The following DNAJA1 variants were observed in gnomAD, a reference collection of about 807,000 sequenced individuals.
The protein encoded by DNAJA1 is dnaJ homolog subfamily A member 1.
In DNAJA1, 26 loss-of-function variants were observed where a neutral mutation model predicts 47.6. The ratio of observed to expected loss-of-function variants is 0.55; its 90% CI spans 0.40 to 0.76. The LOEUF is 0.76. Among genes scored for constraint, DNAJA1 ranks in the 30% least tolerant of loss-of-function variants. The pLI, the probability that DNAJA1 is intolerant of heterozygous loss-of-function variation, is 0.00. For missense variants in DNAJA1, 315 were observed against 485.0 expected, an observed-to-expected ratio of 0.65 and a Z score of 3.29; for synonymous variants, 165 against 158.4, an observed-to-expected ratio of 1.04 and a Z score of -0.31.
chr9:33,031,559 G>GT (rs112712110), intron 5 of DNAJA1, among the ~76,000 whole-genome samples: 370 of 152,138 alleles, frequency 2.4e-3, no homozygotes, highest in African/African-American at 8.7e-3. Context: ...AGCTTCCCAG[G>GT]TAGCTGGGAC....
chr9:33,038,799 G>A lies in DNAJA1; in HGVS notation c.1090G>A (p.Val364Met). The A allele has an allele frequency of 1.2e-6, 2 of 1,614,138 alleles. No individual in the cohort carries two copies. Among genetic ancestry groups the A allele is most frequent in the Non-Finnish European group, 8.5e-7 (1 of 1,180,032 alleles). ...ETDEMDQVEL[V>M]DFDPNQERRR... ...TGATGAGATGGACCAAGTAGAACTGGTGGACTTTGATCCAAATCAGGAAAG... is the reference window on the plus strand; with the variant it reads ...TGATGAGATGGACCAAGTAGAACTGATGGACTTTGATCCAAATCAGGAAAG... The change falls in exon 9 of 9, where the codon GTG becomes ATG. Residue 364 changes from valine (V) to methionine (M), a missense_variant. Coordinates refer to ENST00000330899, the MANE Select transcript of DNAJA1 (RefSeq NM_001539.4).
intron 6 of DNAJA1, among the ~76,000 whole-genome samples, chr9:33,034,993 G>T (rs928926688): frequency 2.1e-5 from 3 of 141,096 alleles, no homozygotes; most frequent in Non-Finnish European, 4.7e-5. Flanking sequence ...TCAAGGTTAT[G>T]ATCATGCCAC....
At chr9:33,037,162 T>C (rs1371181691) in intron 8 of DNAJA1, 47 bp downstream of exon 8, 4 of 1,549,072 alleles carry the variant, frequency 2.6e-6, no homozygotes, top group Non-Finnish European at 3.5e-6. Context: ...ATTGGCTTAC[T>C]AAAATCTGAT....
chr9:33,030,270 T>TAAGAATGAAACTCATTGGAATGATC (rs1838940172), intron 4 of DNAJA1, among the ~76,000 whole-genome samples, 170 bp from the exon 5 acceptor site: 1 of 152,166 alleles, frequency 6.6e-6, no homozygotes, highest in African/African-American at 2.4e-5. Context: ...TGTGTTCTAA[T>TAAGAATGAAACTCATTGGAATGATC]AAGAATGAAA....
intron 4 of DNAJA1, among the ~76,000 whole-genome samples, 171 bp from the exon 5 acceptor site, chr9:33,030,269 A>G (rs1036705300): frequency 1.3e-5 from 2 of 152,178 alleles, no homozygotes; most frequent in Non-Finnish European, 2.9e-5. Flanking sequence ...GTGTGTTCTA[A>G]TAAGAATGAA....
chr9:33,038,630 A>T lies in DNAJA1; in HGVS notation c.976-55A>T. The T allele has an allele frequency of 5.9e-6, 9 of 1,521,592 alleles. No individual in the cohort carries two copies. In the South Asian group the frequency reaches 8.3e-5, roughly 14 times the overall value. 94.3% of individuals were successfully genotyped at this position (1,521,592 alleles called of 1,614,324 possible). A position where few individuals can be genotyped will look rare whatever the true frequency, so the allele number is the denominator to read the frequency against. The stretch of plus-strand genomic sequence containing the variant: ...TTTCTGGGGAAAATGGGTCCATGAT[A>T]CTCTAAGGGAGCTAATGATGAAATC... On this transcript the variant is annotated intron_variant, in intron 8 of 8. Transcript: ENST00000330899.
In DNAJA1 at chr9:33,039,006, T is replaced by C. The variant is rs759112229; in HGVS notation, c.*103T>C. 1.1e-5 allele frequency: 12 copies of C among 1,118,392 alleles called. No homozygotes were observed. Among genetic ancestry groups the C allele is most frequent in the African/African-American group, 1.6e-5 (1 of 63,820 alleles). 69.3% of individuals were successfully genotyped at this position (1,118,392 alleles called of 1,614,324 possible). On this transcript the variant is annotated 3_prime_UTR_variant, in exon 9 of 9. Coordinates refer to ENST00000330899, the MANE Select transcript of DNAJA1 (RefSeq NM_001539.4). The stretch of plus-strand genomic sequence containing the variant: ...TCACTACTTGCTCTTGTTTTTGTTT[T>C]AATAAACTATAGTAGTGTTTTAAAA...
intron 3 of DNAJA1, among the ~76,000 whole-genome samples, chr9:33,028,364 A>G (rs1838908091): frequency 6.6e-6 from 1 of 152,244 alleles, no homozygotes. Flanking sequence ...AAAATGTTCA[A>G]GAGAAATCAG....
Position 33,029,785 on chromosome 9 carries a change from T to G in DNAJA1, c.311-100T>G, listed in dbSNP as rs996578342. 1.1e-5 allele frequency: 10 copies of G among 890,336 alleles called. No homozygotes were observed. In the African/African-American group the frequency reaches 1.7e-4, roughly 15 times the overall value. 55.2% of individuals were successfully genotyped at this position (890,336 alleles called of 1,614,324 possible). On this transcript the variant is annotated intron_variant, in intron 3 of 8. Transcript: ENST00000330899. Reference sequence around the variant, plus strand: ...AGTCAACAGATGTACCCTGTGAGGCTCATCTTTTATTATTCTTTGCCACAT... The same window carrying G: ...AGTCAACAGATGTACCCTGTGAGGCGCATCTTTTATTATTCTTTGCCACAT...
Position 33,026,511 on chromosome 9 carries a change from T to C in DNAJA1, c.27T>C (p.Asp9=), listed in dbSNP as rs1297991677. 5 of 1,607,468 alleles carry C rather than the reference T, an allele frequency of 3.1e-6. No homozygotes were observed. Among genetic ancestry groups the C allele is most frequent in the Non-Finnish European group, 4.2e-6 (5 of 1,178,544 alleles). ...TGGTGAAAGAAACAACTTACTACGA[T>C]GTTTTGGGGGTCAAACCCAATGCTA... is the stretch of plus-strand genomic sequence containing the variant. The part of the protein sequence containing the change: MVKETTYY[D]VLGVKPNATQ... The change falls in exon 2 of 9, where the codon GAT becomes GAC. Residue 9 remains aspartate, a synonymous_variant. Coordinates refer to ENST00000330899, the MANE Select transcript of DNAJA1 (RefSeq NM_001539.4).
rs1422995865 is a variant in DNAJA1 at position 33,039,767 on chromosome 9, A to G, written c.*864A>G. ...ACTTTCGCTCCAAAGTTATGTTGGT[A>G]GTATAGCAAATTATGATGAATAGCT... is the stretch of plus-strand genomic sequence containing the variant. On this transcript the variant is annotated 3_prime_UTR_variant, in exon 9 of 9. Coordinates refer to ENST00000330899, the MANE Select transcript of DNAJA1 (RefSeq NM_001539.4). The G allele has an allele frequency of 6.6e-6, 1 of 152,042 alleles. No individual in the cohort carries two copies. The highest frequency in any genetic ancestry group is 2.4e-5 in the African/African-American group (1 of 41,406). The allele number at this position is 152,042 out of a possible 1,614,324, so 9.4% of individuals were successfully genotyped here.
chr9:33,029,604 T>C (rs982658453), intron 3 of DNAJA1, among the ~76,000 whole-genome samples: 1 of 152,248 alleles, frequency 6.6e-6, no homozygotes, highest in African/African-American at 2.4e-5. Context: ...CAAGTGACTT[T>C]GAAGGTAATG....
chr9:33,026,802 T>G lies in DNAJA1; in HGVS notation c.133-11T>G. 1.9e-6 allele frequency: 3 copies of G among 1,606,942 alleles called. No homozygotes were observed. The highest frequency in any genetic ancestry group is 1.7e-6 in the Non-Finnish European group (2 of 1,177,382). On this transcript the variant is annotated splice_polypyrimidine_tract_variant and intron_variant, in intron 2 of 8. Coordinates refer to ENST00000330899, the MANE Select transcript of DNAJA1 (RefSeq NM_001539.4). ...TTAAAAAATGAAATTCACTCCTCTT[T>G]TCTCAAACAGTTTAAACAGATTTCT...
intron 5 of DNAJA1, among the ~76,000 whole-genome samples, chr9:33,032,203 T>C (rs1838972310): frequency 6.6e-6 from 1 of 152,274 alleles, no homozygotes. Flanking sequence ...GATTCTATCA[T>C]GTGACTCATG....
At chr9:33,030,298 A>G in intron 4 of DNAJA1, 142 bp from the exon 5 acceptor site, 1 of 754,958 alleles carries the variant, frequency 1.3e-6, no homozygotes, top group African/African-American at 1.8e-5. Context: ...GAATGATCTC[A>G]TCAGTTGTAC....
At chr9:33,025,690 G>A (rs1485854833) in intron 1 of DNAJA1, among the ~76,000 whole-genome samples, 1 of 120,982 alleles carries the variant, frequency 8.3e-6, no homozygotes, top group African/African-American at 3.1e-5. Flanking sequence ...GTCCGTGCTC[G>A]CTCGGGGTGG....
intron 8 of DNAJA1, among the ~76,000 whole-genome samples, 153 bp from the exon 9 acceptor site, chr9:33,038,532 A>G (rs950412310): frequency 2.0e-5 from 3 of 152,192 alleles, no homozygotes; most frequent in African/African-American, 7.2e-5. Context: ...TGTGCTATGC[A>G]CTGTGCCTTT....
intron 1 of DNAJA1, among the ~76,000 whole-genome samples, chr9:33,025,808 G>C (rs1838819507): frequency 6.6e-6 from 1 of 152,156 alleles, no homozygotes. Context: ...CGCTTTCTCT[G>C]TTTCCCCTCC....
intron 6 of DNAJA1, among the ~76,000 whole-genome samples, chr9:33,034,977 A>T (rs184402155): frequency 6.8e-6 from 1 of 147,568 alleles, no homozygotes; most frequent in Admixed American, 6.8e-5. Flanking sequence ...GCTTGAACTC[A>T]GGAGTTCAAG....
Sources: gnomAD v4.1 joint callset for allele counts (sites outside exome capture counted in the v4.1 genomes callset) on GRCh38, gnomAD v4.1.1 for gene constraint, MANE v1.5 for transcripts, NCBI Gene and HGNC (gene_info 2026-07-23, HGNC 2026-07-21) for gene names.